NUFIP1: variants seen among roughly 807,000 people sequenced by gnomAD.
NUFIP1 encodes the protein FMR1-interacting protein NUFIP1.
NUFIP1 carries 38 observed loss-of-function variants against 56.2 expected under a neutral mutation model. That is an observed-to-expected ratio of 0.68 (90% confidence interval 0.52 to 0.89). The LOEUF is 0.89. Among genes scored for constraint, NUFIP1 ranks in the 40% least tolerant of loss-of-function variants. The pLI, the probability that NUFIP1 is intolerant of heterozygous loss-of-function variation, is 0.00. For missense variants in NUFIP1, 567 were observed against 605.8 expected (o/e 0.94, Z 0.67); for synonymous variants, 215 against 212.4 (o/e 1.01, Z -0.10).
At chr13:44,966,841 C>T (rs868279624) in intron 5 of NUFIP1, among the ~76,000 whole-genome samples, 15 of 151,590 alleles carry the variant, frequency 9.9e-5, no homozygotes, top group African/African-American at 3.1e-4. Context: ...AGTGTGGTGG[C>T]GGGCGCCTGT....
chr13:44,959,333 A>C, intron 7 of NUFIP1, 48 bp downstream of exon 7: 1 of 1,519,588 alleles, frequency 6.6e-7, no homozygotes, highest in Non-Finnish European at 9.0e-7. Context: ...CAACTTCAGC[A>C]TCATTGTCTA....
intron 8 of NUFIP1, among the ~76,000 whole-genome samples, chr13:44,946,418 A>G (rs1870903353): frequency 6.6e-6 from 1 of 152,180 alleles, no homozygotes; most frequent in South Asian, 2.1e-4. Context: ...TTGAGGAAAC[A>G]TAATTTTGGG....
chr13:44,941,600 G>A (rs546514289), intron 9 of NUFIP1, among the ~76,000 whole-genome samples: 9 of 152,264 alleles, frequency 5.9e-5, no homozygotes, highest in Non-Finnish European at 8.8e-5. Flanking sequence ...TGCAAGCTCC[G>A]CCTCCCGGGT....
intron 7 of NUFIP1, among the ~76,000 whole-genome samples, chr13:44,958,350 T>C (rs1401055940): frequency 6.6e-6 from 1 of 152,202 alleles, no homozygotes; most frequent in Non-Finnish European, 1.5e-5. Context: ...ACGGTATATG[T>C]GTAAAAGGCT....
chr13:44,942,950 A>G (rs1260554422), intron 9 of NUFIP1, among the ~76,000 whole-genome samples: 2 of 151,086 alleles, frequency 1.3e-5, no homozygotes, highest in Non-Finnish European at 2.9e-5. Flanking sequence ...TGGGTGACAA[A>G]GCAAGACCTC....
chr13:44,965,685 C>T (rs530957320), intron 6 of NUFIP1, among the ~76,000 whole-genome samples, 159 bp downstream of exon 6: 38 of 152,102 alleles, frequency 2.5e-4, no homozygotes, highest in Middle Eastern at 3.4e-3. Context: ...CAGAGCGAGA[C>T]TCCATCTCAA....
chr13:44,955,910 G>A lies in NUFIP1; in HGVS notation c.1021+3471C>T, dbSNP rs1031440052. Among the ~76,000 whole-genome samples, 14 of 151,828 alleles carry A rather than the reference G, an allele frequency of 9.2e-5. No individual in the cohort carries two copies. In the East Asian group the frequency reaches 9.7e-4, roughly 10 times the overall value. On this transcript the variant is annotated intron_variant, in intron 7 of 9. Coordinates refer to ENST00000379161, the MANE Select transcript of NUFIP1 (RefSeq NM_012345.3). ...TGTAATCCCAGCACTTTGGGAGGCC[G>A]AGGCGGGTGGATCACGAGGTCAGGA...
intron 5 of NUFIP1, among the ~76,000 whole-genome samples, chr13:44,967,851 G>A (rs974891400): frequency 2.6e-5 from 4 of 151,992 alleles, no homozygotes; most frequent in African/African-American, 4.8e-5. Context: ...TAGAAGGAAG[G>A]GAACACAGCT....
intron 8 of NUFIP1, 84 bp from the exon 9 acceptor site, chr13:44,943,758 A>G: frequency 1.0e-6 from 1 of 979,026 alleles, no homozygotes; most frequent in Non-Finnish European, 1.6e-6. Flanking sequence ...ACAAATCCAT[A>G]ATAATCCTCC....
chr13:44,974,612 C>T (rs1420635259), intron 5 of NUFIP1, among the ~76,000 whole-genome samples: 1 of 152,164 alleles, frequency 6.6e-6, no homozygotes. Context: ...AGCGCAGTGG[C>T]GTAATCACAG....
chr13:44,970,091 T>C (rs1043939724), intron 5 of NUFIP1, among the ~76,000 whole-genome samples: 1 of 152,170 alleles, frequency 6.6e-6, no homozygotes, highest in Non-Finnish European at 1.5e-5. Flanking sequence ...CTGTGAAAAA[T>C]GTTCCACTGT....
At chr13:44,961,577 T>C (rs1871426397) in intron 6 of NUFIP1, among the ~76,000 whole-genome samples, 1 of 152,202 alleles carries the variant, frequency 6.6e-6, no homozygotes. Flanking sequence ...CCTTGGAGAA[T>C]CTCATTACAA....
intron 1 of NUFIP1, among the ~76,000 whole-genome samples, chr13:44,985,305 C>G (rs989674760): frequency 6.6e-6 from 1 of 152,158 alleles, no homozygotes; most frequent in South Asian, 2.1e-4. Context: ...TTAATAGCAA[C>G]TCCATCCTTC....
chr13:44,954,609 C>T (rs1011102292), intron 7 of NUFIP1, among the ~76,000 whole-genome samples: 4 of 152,160 alleles, frequency 2.6e-5, no homozygotes, highest in African/African-American at 7.2e-5. Flanking sequence ...CTTACTTATC[C>T]GTACCCCCTG....
chr13:44,944,078 A>G (rs1279978976), intron 8 of NUFIP1, among the ~76,000 whole-genome samples: 1 of 152,230 alleles, frequency 6.6e-6, no homozygotes, highest in African/African-American at 2.4e-5. Flanking sequence ...TATAACATCT[A>G]TAGAAATAAA....
chr13:44,977,264 T>C (rs1190905694), intron 5 of NUFIP1, among the ~76,000 whole-genome samples: 8 of 152,200 alleles, frequency 5.3e-5, no homozygotes, highest in Non-Finnish European at 1.0e-4. Flanking sequence ...CCAACTACAA[T>C]GTAATGTGAC....
chr13:44,943,231 G>C (rs1870801789), intron 9 of NUFIP1, among the ~76,000 whole-genome samples: 1 of 152,070 alleles, frequency 6.6e-6, no homozygotes, highest in African/African-American at 2.4e-5. Context: ...TTTATTTTAA[G>C]TGGTTGTAAA....
intron 5 of NUFIP1, among the ~76,000 whole-genome samples, chr13:44,973,688 A>G (rs1418842176): frequency 2.0e-5 from 3 of 152,232 alleles, no homozygotes; most frequent in African/African-American, 7.2e-5. Flanking sequence ...CAGAAAGGAG[A>G]TACCATATTC....
chr13:44,988,539 C>T (rs1348115679), intron 1 of NUFIP1, among the ~76,000 whole-genome samples: 2 of 152,168 alleles, frequency 1.3e-5, no homozygotes, highest in Non-Finnish European at 2.9e-5. Flanking sequence ...CCTTCTAATG[C>T]ACAATATTTT....
Sources: allele counts gnomAD v4.1 joint callset (sites outside exome capture counted in the v4.1 genomes callset), GRCh38; gene constraint gnomAD v4.1.1; transcripts MANE v1.5; gene names NCBI Gene and HGNC (gene_info 2026-07-23, HGNC 2026-07-21).